Variants in FSD1 observed in about 807,000 individuals in gnomAD.
FSD1 encodes fibronectin type III and SPRY domain containing 1.
Under a neutral mutation model 58.2 loss-of-function variants are expected in FSD1, and 23 were observed. That is an observed-to-expected ratio of 0.40 (90% confidence interval 0.28 to 0.56). FSD1 has a LOEUF of 0.56. Ranked by LOEUF, FSD1 falls within the 20% of genes least tolerant of loss-of-function variation. FSD1 has a pLI of 0.54. For synonymous variants in FSD1, 265 were observed against 263.4 expected, an observed-to-expected ratio of 1.01 and a Z score of -0.06; for missense variants, 563 against 670.8, an observed-to-expected ratio of 0.84 and a Z score of 1.78.
chr19:4,319,081 G>A (rs143435530), intron 10 of FSD1, 130 bp downstream of exon 10: 505 of 714,432 alleles, frequency 7.1e-4, no homozygotes, highest in Non-Finnish European at 1.2e-3. Flanking sequence ...CGGAATAACA[G>A]GTTGTTCTGG....
chr19:4,306,423 C>T (rs575705655), intron 3 of FSD1, 94 bp downstream of exon 3: 58 of 1,320,364 alleles, frequency 4.4e-5, no homozygotes, highest in South Asian at 2.4e-4. Context: ...TGGGTGCTCT[C>T]GAGTTTCTGA....
intron 1 of FSD1, 79 bp downstream of exon 1, chr19:4,304,840 C>CCCAACCA: frequency 6.2e-6 from 3 of 486,592 alleles, no homozygotes; most frequent in Non-Finnish European, 9.2e-6. Flanking sequence ...GCAGCGCCCC[C>CCCAACCA]ACTCCCTCCC....
intron 7 of FSD1, among the ~76,000 whole-genome samples, chr19:4,315,359 A>T (rs551567979): frequency 3.2e-5 from 4 of 124,452 alleles, no homozygotes; most frequent in Non-Finnish European, 6.2e-5. Context: ...CCCAGGCTGG[A>T]GTGCAGTGGT....
At chr19:4,306,564 T>C (rs921736437) in intron 3 of FSD1, among the ~76,000 whole-genome samples, 3 of 150,986 alleles carry the variant, frequency 2.0e-5, no homozygotes, top group African/African-American at 7.3e-5. Context: ...GCCTCCTGGG[T>C]TCAAGCAATT....
chr19:4,322,889 T>C, intron 10 of FSD1, 97 bp from the exon 11 acceptor site: 2 of 1,412,424 alleles, frequency 1.4e-6, no homozygotes, highest in South Asian at 1.4e-5. Flanking sequence ...GCAGCTGTGG[T>C]GTAAGGAGCA....
At chr19:4,308,677 C>T (rs1266231640) in intron 4 of FSD1, among the ~76,000 whole-genome samples, 1 of 152,098 alleles carries the variant, frequency 6.6e-6, no homozygotes, top group Non-Finnish European at 1.5e-5. Flanking sequence ...CACAGTGAAA[C>T]CCCGTCTCTA....
intron 7 of FSD1, among the ~76,000 whole-genome samples, chr19:4,312,886 C>T (rs1971710403): frequency 6.6e-6 from 1 of 151,704 alleles, no homozygotes; most frequent in African/African-American, 2.4e-5. Context: ...TGCCATTTCC[C>T]TAGGCTGGTC....
intron 7 of FSD1, among the ~76,000 whole-genome samples, chr19:4,313,661 T>C (rs1284324875): frequency 6.8e-6 from 1 of 147,824 alleles, no homozygotes; most frequent in East Asian, 2.0e-4. Flanking sequence ...GAAGTTGCAG[T>C]GAGCTGAGAT....
chr19:4,313,598 A>G (rs531432520), intron 7 of FSD1, among the ~76,000 whole-genome samples: 224 of 151,410 alleles, frequency 1.5e-3, no homozygotes, highest in Middle Eastern at 7.0e-3. Context: ...GGCGCCTGTA[A>G]TCCCAGCTAC....
chr19:4,317,035 G>A (rs1291871557), intron 7 of FSD1, 147 bp from the exon 8 acceptor site: 1 of 582,802 alleles, frequency 1.7e-6, no homozygotes, highest in Non-Finnish European at 3.2e-6. Flanking sequence ...TTACAGGCGT[G>A]AGCCAGTGCG....
At chr19:4,317,074 G>T in intron 7 of FSD1, 108 bp from the exon 8 acceptor site, 1 of 722,414 alleles carries the variant, frequency 1.4e-6, no homozygotes. Flanking sequence ...TTATAAGGTG[G>T]TTCTTAGAAT....
intron 7 of FSD1, among the ~76,000 whole-genome samples, chr19:4,315,712 A>G (rs1005702132): frequency 7.1e-6 from 1 of 140,276 alleles, no homozygotes; most frequent in African/African-American, 2.7e-5. Flanking sequence ...CCTGGGTTCA[A>G]GCAATTCTCC....
chr19:4,323,678 G>A lies in FSD1; in HGVS notation c.*35G>A, dbSNP rs766698195. 1.1e-5 allele frequency: 17 copies of A among 1,487,554 alleles called. No individual in the cohort carries two copies. Among genetic ancestry groups the A allele is most frequent in the Non-Finnish European group, 1.6e-5 (17 of 1,078,182 alleles). 92.1% of individuals were successfully genotyped at this position (1,487,554 alleles called of 1,614,324 possible). A position where few individuals can be genotyped will look rare whatever the true frequency, so the allele number is the denominator to read the frequency against. ...CACCCACCCAGCTGGGGTGTTTTTG[G>A]GGGAGTCGCCGCCAAGCCCAGGCTG... On this transcript the variant is annotated 3_prime_UTR_variant, in exon 13 of 13. Transcript: ENST00000221856. This position sits in a 1 kb window ranked among gnomAD's most constrained non-coding sequence, Gnocchi z 7.7.
chr19:4,306,712 C>A lies in FSD1; in HGVS notation c.243+383C>A, dbSNP rs1327603815. 8.6e-5 allele frequency among the ~76,000 whole-genome samples: 13 copies of A among 151,190 alleles called. No homozygotes were observed. In the East Asian group the frequency reaches 2.5e-3, roughly 29 times the overall value. On this transcript the variant is annotated intron_variant, in intron 3 of 12. Coordinates refer to ENST00000221856, the MANE Select transcript of FSD1 (RefSeq NM_024333.3). The stretch of plus-strand genomic sequence containing the variant: ...CAGGTGATCCTCCTGCCTCAGCCTC[C>A]CAAAGTGCTGGGATGACAGGCATGA...
intron 6 of FSD1, 135 bp downstream of exon 6, chr19:4,310,731 A>G: frequency 9.8e-7 from 1 of 1,021,554 alleles, no homozygotes; most frequent in Non-Finnish European, 1.4e-6. Flanking sequence ...GAGCTCTGAG[A>G]ATTCCACGCC....
chr19:4,305,856 G>GCACGTGTGTACATGTGCGTA, intron 1 of FSD1, 90 bp from the exon 2 acceptor site: 1 of 909,686 alleles, frequency 1.1e-6, no homozygotes. Flanking sequence ...GCATGTGTGT[G>GCACGTGTGTACATGTGCGTA]CACGTGTGTA....
rs557252091 is a variant in FSD1 at position 4,311,744 on chromosome 19, A to G, written c.491-98A>G. ...GAACCCCTTTGTGGCCATGCCCCCA[A>G]AATTGTCCAACATGTGGTTGGGCAG... is the stretch of plus-strand genomic sequence containing the variant. On this transcript the variant is annotated intron_variant, in intron 6 of 12. Coordinates refer to ENST00000221856, the MANE Select transcript of FSD1 (RefSeq NM_024333.3). The G allele has an allele frequency of 1.8e-5, 20 of 1,111,088 alleles. No individual in the cohort carries two copies. In the Admixed American group the frequency reaches 3.2e-4, roughly 18 times the overall value. The allele number at this position is 1,111,088 out of a possible 1,614,324, so 68.8% of individuals were successfully genotyped here.
intron 2 of FSD1, 45 bp from the exon 3 acceptor site, chr19:4,306,153 C>T (rs1385509793): frequency 6.2e-7 from 1 of 1,613,600 alleles, no homozygotes; most frequent in Non-Finnish European, 8.5e-7. Flanking sequence ...CTCAGGTTCC[C>T]TCTCTGAACA....
rs1476440773 is a variant in FSD1, at chr19:4,306,202, A to G, written c.116A>G (p.Asn39Ser). ...ATTCTGGCTGTTCCGACCCAGGCGA[A>G]CTCGGCGAAGGTGCAGGAGGACCTC... ...LKQMLLNVEA[N>S]SAKVQEDLEA... Residue 39 changes from asparagine (N) to serine (S), a missense_variant, in exon 3 of 13, where the codon AAC becomes AGC. Coordinates refer to ENST00000221856, the MANE Select transcript of FSD1 (RefSeq NM_024333.3). The G allele has an allele frequency of 7.4e-6, 12 of 1,613,718 alleles. No homozygotes were observed. Among genetic ancestry groups the G allele is most frequent in the Non-Finnish European group, 1.0e-5 (12 of 1,179,868 alleles).
Sources: allele counts gnomAD v4.1 joint callset (sites outside exome capture counted in the v4.1 genomes callset), GRCh38; gene constraint gnomAD v4.1.1; non-coding constraint Gnocchi (gnomAD v3.1); transcripts MANE v1.5; gene names NCBI Gene and HGNC (gene_info 2026-07-23, HGNC 2026-07-21).